The following IDS variants were observed in gnomAD, a reference collection of about 807,000 sequenced individuals.
IDS encodes the protein alpha-L-iduronate sulfate sulfatase.
Under a neutral mutation model 33.5 loss-of-function variants are expected in IDS, and 1 was observed. That is an observed-to-expected ratio of 0.03 (90% confidence interval 0.01 to 0.14). The LOEUF (loss-of-function observed/expected upper bound fraction) is 0.14. Among genes scored for constraint, IDS ranks in the 10% least tolerant of loss-of-function variants. The probability of loss-of-function intolerance (pLI) is 1.00; values close to 1 mark genes in which losing one functional copy is unlikely to be tolerated. For missense variants in IDS, 328 were observed against 448.0 expected (o/e 0.73, Z 2.42); for synonymous variants, 191 against 184.4 (o/e 1.04, Z -0.29).
At chrX:149,485,810 C>A (rs1602729060) in intron 8 of IDS, among the ~76,000 whole-genome samples, 1 of 112,171 alleles carries the variant, frequency 8.9e-6, no homozygotes. Context: ...AACTGTTTAA[C>A]CTTTCTATCA....
chrX:149,504,112 T>C, intron 2 of IDS, 45 bp downstream of exon 2: 1 of 1,158,578 alleles, frequency 8.6e-7, no homozygotes, highest in Non-Finnish European at 1.2e-6. Context: ...CAACCCTCAG[T>C]GCACGAAGCA....
intron 7 of IDS, among the ~76,000 whole-genome samples, chrX:149,489,986 A>G (rs1016356497): frequency 2.7e-5 from 3 of 109,167 alleles, no homozygotes; most frequent in African/African-American, 1.0e-4. Context: ...ACCCAAACTA[A>G]AAGTCCTCCA....
chrX:149,499,412 C>A (rs1193307711), intron 4 of IDS: 3 of 107,526 alleles, frequency 2.8e-5, no homozygotes, highest in Non-Finnish European at 5.8e-5. Context: ...TGTGGCTGAA[C>A]CTCAAAAACA....
At chrX:149,497,432 T>A (rs2089444304) in intron 5 of IDS, among the ~76,000 whole-genome samples, 1 of 111,969 alleles carries the variant, frequency 8.9e-6, no homozygotes, top group African/African-American at 3.3e-5. Context: ...CAGCTCCTAC[T>A]AGGAAAGCAA....
intron 4 of IDS, among the ~76,000 whole-genome samples, chrX:149,500,579 A>G (rs1427959843): frequency 8.0e-5 from 9 of 112,120 alleles, no homozygotes; most frequent in African/African-American, 2.9e-4. Context: ...GATACACGGC[A>G]TGCCTTTCTC....
intron 1 of IDS, among the ~76,000 whole-genome samples, chrX:149,504,759 G>A (rs2089510197): frequency 9.8e-6 from 1 of 102,262 alleles, no homozygotes; most frequent in Non-Finnish European, 2.0e-5. Context: ...AAGATGGATG[G>A]ATAGAGATGG....
At chrX:149,500,043 C>G (rs2089467373) in intron 4 of IDS, among the ~76,000 whole-genome samples, 1 of 111,687 alleles carries the variant, frequency 9.0e-6, no homozygotes, top group African/African-American at 3.3e-5. Flanking sequence ...AGCCCAGCAC[C>G]CGCCTCAGAC....
chrX:149,493,330 G>A (rs1186477231), intron 6 of IDS, among the ~76,000 whole-genome samples: 3 of 111,953 alleles, frequency 2.7e-5, no homozygotes, highest in Non-Finnish European at 5.6e-5. Context: ...AGGAAGGTCA[G>A]GACCTACACA....
In IDS at chrX:149,496,376, C is replaced by G. The variant is rs147374356; in HGVS notation, c.849G>C (p.Val283=). ...REDVQALNIS[V]PYGPIPVDFQ... ...AGTCCACAGGAATTGGACCATACGG[C>G]ACACTGATGTTTAAGGCTTGGACGT... Residue 283 remains valine, a synonymous_variant, in exon 6 of 9, where the codon GTG becomes GTC. Transcript: ENST00000340855. 171 of 1,210,009 alleles carry G rather than the reference C, an allele frequency of 1.4e-4. No individual in the cohort carries two copies. The highest frequency in any genetic ancestry group is 1.9e-4 in the Non-Finnish European group (166 of 895,096).
chrX:149,497,707 C>A (rs2124044986), intron 5 of IDS, among the ~76,000 whole-genome samples: 1 of 112,426 alleles, frequency 8.9e-6, no homozygotes, highest in Non-Finnish European at 1.9e-5. Context: ...ACCTGACAGG[C>A]TCAGGGGGAA....
intron 8 of IDS, among the ~76,000 whole-genome samples, chrX:149,485,290 C>A (rs1557337939): frequency 8.9e-6 from 1 of 111,805 alleles, no homozygotes; most frequent in Non-Finnish European, 1.9e-5. Context: ...TCCAAGGGAT[C>A]CAGGGCACAA....
At chrX:149,494,482 G>A (rs1387350906) in intron 6 of IDS, among the ~76,000 whole-genome samples, 1 of 111,719 alleles carries the variant, frequency 9.0e-6, no homozygotes, top group African/African-American at 3.3e-5. Context: ...CTGAGTTAGA[G>A]GGCTGGAGCT....
At chrX:149,490,228 T>G in intron 7 of IDS, 86 bp downstream of exon 7, 1 of 992,425 alleles carries the variant, frequency 1.0e-6, no homozygotes, top group Non-Finnish European at 1.4e-6. Context: ...AACACACCCA[T>G]GTTTATGTCA....
intron 2 of IDS, 109 bp from the exon 3 acceptor site, chrX:149,503,598 A>G: frequency 1.1e-6 from 1 of 876,317 alleles, no homozygotes; most frequent in Non-Finnish European, 1.6e-6. Context: ...ACAGCTTGGT[A>G]GCTGAGTCAT....
intron 6 of IDS, among the ~76,000 whole-genome samples, chrX:149,493,251 A>C (rs782813667): frequency 6.2e-5 from 7 of 112,361 alleles, no homozygotes; most frequent in Non-Finnish European, 1.3e-4. Flanking sequence ...AGACACAGAA[A>C]GGATTGGGAG....
At position 149,482,659 on chromosome X, in the gene IDS, G is replaced by C; in HGVS notation, c.*87C>G. On this transcript the variant is annotated 3_prime_UTR_variant, in exon 9 of 9. Coordinates refer to ENST00000340855, the MANE Select transcript of IDS (RefSeq NM_000202.8). The stretch of plus-strand genomic sequence containing the variant: ...GCCCTCAGGCTGCTTCCAATATTAT[G>C]GGTAATCACAAAACGACCAGCTCTA... 1 of 1,183,777 alleles carries C rather than the reference G, an allele frequency of 8.4e-7. No homozygotes were observed. The highest frequency in any genetic ancestry group is 1.1e-6 in the Non-Finnish European group (1 of 881,567).
chrX:149,490,335 T>G lies in IDS; in HGVS notation c.985A>C (p.Ile329Leu). The G allele has an allele frequency of 8.3e-7, 1 of 1,211,126 alleles. No homozygotes were observed. Among genetic ancestry groups the G allele is most frequent in the Non-Finnish European group, 1.1e-6 (1 of 894,822 alleles). The change falls in exon 7 of 9, where the codon ATT (isoleucine) becomes CTT (leucine). Residue 329 changes from isoleucine (I) to leucine (L), a missense_variant. By Grantham distance (5) the Ile-to-Leu change is conservative. Around this residue, in one of 4 missense-constraint regions of IDS, gnomAD observed 265 missense variants for 339.2 expected, o/e 0.78. Coordinates refer to ENST00000340855, the MANE Select transcript of IDS (RefSeq NM_000202.8). ...DDLQLANSTI[I>L]AFTSDHGWAL... ...TTACCATGATCCGAGGTAAATGCAA[T>G]GATGGTGCTGTTGGCCAGCTGAAGA...
chrX:149,491,813 G>A, intron 6 of IDS: 1 of 321,552 alleles, frequency 3.1e-6, no homozygotes, highest in South Asian at 3.5e-5. Flanking sequence ...ACACAATCAT[G>A]GAGACAAGAA....
chrX:149,504,900 T>G, intron 1 of IDS, 135 bp downstream of exon 1: 1 of 453,428 alleles, frequency 2.2e-6, no homozygotes, highest in East Asian at 4.1e-5. Flanking sequence ...GAACGAATGA[T>G]GGATGAAAGA....
Sources: gnomAD v4.1 joint callset for allele counts (sites outside exome capture counted in the v4.1 genomes callset) on GRCh38, gnomAD v4.1.1 for gene constraint, gnomAD v4.1.1 regional missense constraint, MANE v1.5 for transcripts, NCBI Gene and HGNC (gene_info 2026-07-23, HGNC 2026-07-21) for gene names.